The following GPD2 variants were observed in gnomAD, a reference collection of about 807,000 sequenced individuals.
GPD2 encodes glycerol-3-phosphate dehydrogenase 2, also known as glycerol-3-phosphate dehydrogenase, mitochondrial.
In GPD2, 54 loss-of-function variants were observed where a neutral mutation model predicts 82.4. The ratio of observed to expected loss-of-function variants is 0.66; its 90% CI spans 0.53 to 0.82. The LOEUF (loss-of-function observed/expected upper bound fraction) is 0.82. Ranked by LOEUF, GPD2 falls within the 40% of genes least tolerant of loss-of-function variation. The probability of loss-of-function intolerance (pLI) is 0.00; values close to 1 mark genes in which losing one functional copy is unlikely to be tolerated. For synonymous variants in GPD2, 288 were observed against 306.1 expected, an observed-to-expected ratio of 0.94 and a Z score of 0.62; for missense variants, 748 against 896.2, an observed-to-expected ratio of 0.83 and a Z score of 2.11.
upstream of GPD2, among the ~76,000 whole-genome samples, chr2:156,434,264 C>T (rs1306830598): frequency 2.6e-5 from 4 of 151,942 alleles, no homozygotes; most frequent in Non-Finnish European, 4.4e-5. Flanking sequence ...CCACCATGCC[C>T]GGCTAATTTT....
At chr2:156,580,639 T>G (rs1022327799) in intron 16 of GPD2, among the ~76,000 whole-genome samples, 3 of 152,174 alleles carry the variant, frequency 2.0e-5, no homozygotes, top group Non-Finnish European at 4.4e-5. Context: ...AAATTAATGC[T>G]GGGGATTTTG....
intron 6 of GPD2, among the ~76,000 whole-genome samples, chr2:156,535,023 CTG>C (rs1686009906): frequency 6.6e-6 from 1 of 152,096 alleles, no homozygotes; most frequent in African/African-American, 2.4e-5. Flanking sequence ...ACAGGGAACA[CTG>C]TGGCCAAAGC....
intron 6 of GPD2, among the ~76,000 whole-genome samples, chr2:156,514,276 T>A (rs1446402859): frequency 6.6e-6 from 1 of 151,622 alleles, no homozygotes; most frequent in Admixed American, 6.6e-5. Flanking sequence ...TTTTAAAGAG[T>A]GTGTGAGATT....
At chr2:156,462,011 T>C (rs937555214) in intron 1 of GPD2, among the ~76,000 whole-genome samples, 4 of 152,252 alleles carry the variant, frequency 2.6e-5, no homozygotes, top group Non-Finnish European at 5.9e-5. Flanking sequence ...CCTTTGCTAT[T>C]GGTATGTTTT....
chr2:156,439,398 C>T (rs529467346), intron 1 of GPD2, among the ~76,000 whole-genome samples: 29 of 151,120 alleles, frequency 1.9e-4, no homozygotes, highest in African/African-American at 7.1e-4. Context: ...GCCTGGACAA[C>T]ATGGAAACCC....
intron 13 of GPD2, among the ~76,000 whole-genome samples, chr2:156,572,091 C>T (rs549988773): frequency 6.6e-6 from 1 of 152,050 alleles, no homozygotes; most frequent in Admixed American, 6.6e-5. Context: ...ACAATTGATT[C>T]CCCCTTCCTT....
At chr2:156,509,929 A>G (rs1055110729) in intron 3 of GPD2, among the ~76,000 whole-genome samples, 1 of 151,854 alleles carries the variant, frequency 6.6e-6, no homozygotes, top group Non-Finnish European at 1.5e-5. Flanking sequence ...GCATGCCACC[A>G]TGCCACCATG....
At chr2:156,419,119 G>C in the GPD2 span, among the ~76,000 whole-genome samples, 1 of 139,866 alleles carries the variant, frequency 7.1e-6, no homozygotes, top group Non-Finnish European at 1.5e-5. Flanking sequence ...GAGTGCAATG[G>C]TGCAATCTTG....
chr2:156,538,778 G>T (rs1050672393), intron 6 of GPD2, among the ~76,000 whole-genome samples: 1 of 136,612 alleles, frequency 7.3e-6, no homozygotes, highest in Non-Finnish European at 1.5e-5. Context: ...CCGAGATCAC[G>T]CCACTGCACT....
At chr2:156,579,329 CT>C (rs59446199) in intron 15 of GPD2, among the ~76,000 whole-genome samples, 165 bp downstream of exon 15, 17,809 of 134,734 alleles carry the variant, frequency 0.13, 789 homozygotes, top group African/African-American at 0.15. Context: ...TTTTTTCTTT[CT>C]TTTTTTTTTT....
chr2:156,413,459 C>T, the GPD2 span, among the ~76,000 whole-genome samples: 1 of 151,736 alleles, frequency 6.6e-6, no homozygotes, highest in Non-Finnish European at 1.5e-5. Context: ...TGGTTCGTGC[C>T]TGTAGTCCCA....
chr2:156,573,584 A>G (rs1687715471), intron 13 of GPD2, among the ~76,000 whole-genome samples: 1 of 152,184 alleles, frequency 6.6e-6, no homozygotes, highest in Non-Finnish European at 1.5e-5. Context: ...GGTAGGAAGG[A>G]GGAAGAAAAT....
Position 156,583,171 on chromosome 2 carries a change from G to C in GPD2, c.*253G>C. The stretch of plus-strand genomic sequence containing the variant: ...CTCATTTTCAATGCACATTAGTTTT[G>C]CATCTGTTTTGTGACCTGTTAGATG... On this transcript the variant is annotated 3_prime_UTR_variant, in exon 17 of 17. Transcript: ENST00000438166. 1.8e-5 allele frequency: 8 copies of C among 449,660 alleles called. No homozygotes were observed. The highest frequency in any genetic ancestry group is 3.3e-5 in the Non-Finnish European group (8 of 243,614). The allele number at this position is 449,660 out of a possible 1,614,324, so 27.9% of individuals were successfully genotyped here. A position where few individuals can be genotyped will look rare whatever the true frequency, so the allele number is the denominator to read the frequency against.
intron 8 of GPD2, among the ~76,000 whole-genome samples, chr2:156,555,809 A>T (rs956572854): frequency 6.6e-6 from 1 of 152,206 alleles, no homozygotes; most frequent in African/African-American, 2.4e-5. Flanking sequence ...CCCTGAGTGA[A>T]GGTGGGACTC....
chr2:156,509,926 A>G (rs1467826943), intron 3 of GPD2, among the ~76,000 whole-genome samples: 2 of 151,840 alleles, frequency 1.3e-5, no homozygotes, highest in African/African-American at 4.8e-5. Flanking sequence ...GGCGCATGCC[A>G]CCATGCCACC....
intron 6 of GPD2, among the ~76,000 whole-genome samples, chr2:156,545,645 T>C (rs991620546): frequency 6.6e-6 from 1 of 152,236 alleles, no homozygotes; most frequent in African/African-American, 2.4e-5. Flanking sequence ...GTATGCTATA[T>C]TGAAAGGAAG....
chr2:156,499,446 T>C (rs897474678), intron 3 of GPD2, among the ~76,000 whole-genome samples: 2 of 152,110 alleles, frequency 1.3e-5, no homozygotes, highest in Non-Finnish European at 2.9e-5. Context: ...TAAGGGGTCA[T>C]GAAGTTACAA....
chr2:156,490,865 A>G (rs1684148404), intron 2 of GPD2, among the ~76,000 whole-genome samples: 1 of 152,252 alleles, frequency 6.6e-6, no homozygotes, highest in Non-Finnish European at 1.5e-5. Flanking sequence ...TGCTCTTTAC[A>G]TAATTCACTT....
At chr2:156,561,193 A>G (rs13424996) in intron 9 of GPD2, among the ~76,000 whole-genome samples, 107,957 of 150,864 alleles carry the variant, frequency 0.72, 38,731 homozygotes, top group Middle Eastern at 0.82. Flanking sequence ...GATTACAGGC[A>G]CACGCCACCA....
Sources: gnomAD v4.1 joint callset for allele counts (sites outside exome capture counted in the v4.1 genomes callset) on GRCh38, gnomAD v4.1.1 for gene constraint, MANE v1.5 for transcripts, NCBI Gene and HGNC (gene_info 2026-07-23, HGNC 2026-07-21) for gene names.